The following CMSS1 variants were observed in gnomAD, a reference collection of about 807,000 sequenced individuals.
CMSS1 encodes the protein protein CMSS1.
In CMSS1, 33 loss-of-function variants were observed where a neutral mutation model predicts 43.5. The observed-to-expected ratio is 0.76, with a 90% CI of 0.57 to 1.01. CMSS1 has a LOEUF of 1.01. CMSS1 is among the 50% of genes least tolerant of loss of function. The pLI is 0.00. For missense variants in CMSS1, 313 were observed against 326.4 expected, an observed-to-expected ratio of 0.96 and a Z score of 0.32; for synonymous variants, 115 against 117.2, an observed-to-expected ratio of 0.98 and a Z score of 0.12.
At chr3:99,911,346 AAC>A (rs1376797864) in intron 1 of CMSS1, among the ~76,000 whole-genome samples, 1 of 149,310 alleles carries the variant, frequency 6.7e-6, no homozygotes, top group African/African-American at 2.4e-5. Context: ...ATGTTATTAT[AAC>A]AAAATAATAA....
intron 1 of CMSS1, among the ~76,000 whole-genome samples, chr3:99,962,776 G>C (rs1015386796): frequency 5.4e-4 from 83 of 152,322 alleles, no homozygotes; most frequent in African/African-American, 1.9e-3. Flanking sequence ...AAAGCTAAGT[G>C]GGAGAGCTAG....
chr3:99,859,672 G>C (rs573108295), intron 1 of CMSS1, among the ~76,000 whole-genome samples: 1 of 152,052 alleles, frequency 6.6e-6, no homozygotes, highest in East Asian at 1.9e-4. Context: ...ACTGTGTTGC[G>C]TTGATAGTAG....
intron 1 of CMSS1, among the ~76,000 whole-genome samples, chr3:100,002,964 C>A (rs1388441581): frequency 6.6e-6 from 1 of 152,160 alleles, no homozygotes; most frequent in Admixed American, 6.5e-5. Flanking sequence ...GCATCAGAGT[C>A]CAGGCGACAA....
intron 1 of CMSS1, among the ~76,000 whole-genome samples, chr3:99,911,812 T>C (rs1706797675): frequency 6.6e-6 from 1 of 152,188 alleles, no homozygotes; most frequent in African/African-American, 2.4e-5. Context: ...ACAGGATCCA[T>C]GTCTTCTTCA....
chr3:99,861,748 C>G (rs1397293987), intron 1 of CMSS1, among the ~76,000 whole-genome samples: 1 of 152,132 alleles, frequency 6.6e-6, no homozygotes, highest in Non-Finnish European at 1.5e-5. Flanking sequence ...TACCGAAGCA[C>G]CAATAGGAAC....
intron 1 of CMSS1, among the ~76,000 whole-genome samples, chr3:100,037,451 G>C (rs1559734957): frequency 2.0e-5 from 3 of 151,308 alleles, no homozygotes; most frequent in East Asian, 1.9e-4. Context: ...AAAGCAAACA[G>C]ACACACACAC....
At chr3:100,093,607 C>G (rs2066151597) in intron 1 of CMSS1, among the ~76,000 whole-genome samples, 1 of 152,140 alleles carries the variant, frequency 6.6e-6, no homozygotes, top group Non-Finnish European at 1.5e-5. Context: ...AGTGGAATGT[C>G]ACAACCAGTA....
chr3:99,896,213 A>G (rs1706247118), intron 1 of CMSS1, among the ~76,000 whole-genome samples: 1 of 152,372 alleles, frequency 6.6e-6, no homozygotes, highest in African/African-American at 2.4e-5. Flanking sequence ...AGTAGGTCAG[A>G]GATTCCTTTC....
At chr3:99,938,729 G>A (rs923501879) in intron 1 of CMSS1, among the ~76,000 whole-genome samples, 2 of 152,136 alleles carry the variant, frequency 1.3e-5, no homozygotes, top group African/African-American at 4.8e-5. Context: ...GAAAATAGTG[G>A]CTATAAATAG....
At position 100,019,353 on chromosome 3, in the gene CMSS1, G is replaced by A. The variant is rs78150487; in HGVS notation, c.65-127620G>A. Among the ~76,000 whole-genome samples, 690 of 152,052 alleles carry A rather than the reference G, an allele frequency of 4.5e-3. 7 individuals are homozygous for A. Among genetic ancestry groups the A allele is most frequent in the African/African-American group, 0.016 (674 of 41,472 alleles). Reference sequence around the variant, plus strand: ...CCAGCCTGGGTGAAACAGCCAAGGGGTAAAAGACATAAAAATATGAATTGA... The same window carrying A: ...CCAGCCTGGGTGAAACAGCCAAGGGATAAAAGACATAAAAATATGAATTGA... On this transcript the variant is annotated intron_variant, in intron 1 of 9. Transcript: ENST00000421999.
At chr3:99,871,447 A>G (rs888622317) in intron 1 of CMSS1, among the ~76,000 whole-genome samples, 2 of 152,218 alleles carry the variant, frequency 1.3e-5, no homozygotes, top group African/African-American at 2.4e-5. Flanking sequence ...GCTGGTTGTA[A>G]AACTGACCCT....
intron 1 of CMSS1, among the ~76,000 whole-genome samples, chr3:100,059,589 C>T (rs1475191020): frequency 6.6e-6 from 1 of 152,018 alleles, no homozygotes; most frequent in Admixed American, 6.6e-5. Flanking sequence ...ATTCAAACAG[C>T]GTTAGGAGCC....
intron 1 of CMSS1, among the ~76,000 whole-genome samples, chr3:99,846,469 C>T (rs1051244494): frequency 3.3e-5 from 5 of 152,152 alleles, no homozygotes; most frequent in African/African-American, 9.7e-5. Flanking sequence ...TTTGCCATTC[C>T]TTCTAGAGTT....
chr3:99,991,993 CGT>C (rs1559717311), intron 1 of CMSS1, among the ~76,000 whole-genome samples: 5 of 142,850 alleles, frequency 3.5e-5, no homozygotes, highest in Non-Finnish European at 7.6e-5. Context: ...TGTATATATA[CGT>C]ATATATATGT....
Position 100,160,434 on chromosome 3 carries a change from A to T in CMSS1, c.158A>T (p.Lys53Ile). The T allele has an allele frequency of 6.8e-7, 1 of 1,476,102 alleles. No individual in the cohort carries two copies. The highest frequency in any genetic ancestry group is 1.2e-5 in the South Asian group (1 of 86,660). The allele number at this position is 1,476,102 out of a possible 1,614,324, so 91.4% of individuals were successfully genotyped here. A position where few individuals can be genotyped will look rare whatever the true frequency, so the allele number is the denominator to read the frequency against. Residue 53 changes from lysine (K) to isoleucine (I), a missense_variant, in exon 3 of 10, where the codon AAA (lysine) becomes ATA (isoleucine). Coordinates refer to ENST00000421999, the MANE Select transcript of CMSS1 (RefSeq NM_032359.4). ...PVPSEKTKQP[K>I]ECFLIQPKER... ...CTCATTTGTATTTCTTAATAGCCTA[A>T]AGAATGTTTTTTGATACAACCAAAG...
chr3:100,090,308 T>G (rs1479685690), intron 1 of CMSS1, among the ~76,000 whole-genome samples: 2 of 152,238 alleles, frequency 1.3e-5, no homozygotes, highest in South Asian at 4.1e-4. Context: ...AAGGGAACAT[T>G]AGCTCACTGA....
chr3:99,836,858 C>A (rs1942920795), intron 1 of CMSS1, among the ~76,000 whole-genome samples: 1 of 152,190 alleles, frequency 6.6e-6, no homozygotes, highest in East Asian at 1.9e-4. Flanking sequence ...ACCAATCAGA[C>A]AAATTACATA....
At chr3:99,856,098 GCTGCTCTGCT>G (rs71130096) in intron 1 of CMSS1, among the ~76,000 whole-genome samples, 24 of 151,350 alleles carry the variant, frequency 1.6e-4, no homozygotes, top group African/African-American at 2.2e-4. Context: ...TGCTGCTCTT[GCTGCTCTGCT>G]CTGCTCTGCT....
At chr3:100,122,672 C>T (rs1427532684) in intron 1 of CMSS1, among the ~76,000 whole-genome samples, 1 of 152,210 alleles carries the variant, frequency 6.6e-6, no homozygotes, top group African/African-American at 2.4e-5. Flanking sequence ...GGACTAACCC[C>T]TCTCCCCCTT....
Sources: gnomAD v4.1 joint callset for allele counts (sites outside exome capture counted in the v4.1 genomes callset) on GRCh38, gnomAD v4.1.1 for gene constraint, MANE v1.5 for transcripts, NCBI Gene and HGNC (gene_info 2026-07-23, HGNC 2026-07-21) for gene names.